SLFN12L: variants seen among roughly 807,000 people sequenced by gnomAD.
SLFN12L encodes schlafen family member 12-like.
In SLFN12L, 34 loss-of-function variants were observed where a neutral mutation model predicts 34.8. The observed-to-expected ratio is 0.98, with a 90% CI of 0.74 to 1.30. The LOEUF is 1.30. Ranked by LOEUF, SLFN12L falls within the 50% of genes most tolerant of loss-of-function variation. SLFN12L has a pLI of 0.00. For missense variants in SLFN12L, 703 were observed against 696.2 expected, an observed-to-expected ratio of 1.01 and a Z score of -0.11; for synonymous variants, 259 against 247.5, an observed-to-expected ratio of 1.05 and a Z score of -0.44.
At chr17:35,523,956 A>G (rs2072307458) in intron 1 of SLFN12L, among the ~76,000 whole-genome samples, 1 of 152,058 alleles carries the variant, frequency 6.6e-6, no homozygotes, top group Non-Finnish European at 1.5e-5. Flanking sequence ...AATTTCAAAG[A>G]TCATGGGGTC....
intron 1 of SLFN12L, among the ~76,000 whole-genome samples, chr17:35,530,574 T>G (rs1383970560): frequency 1.4e-5 from 2 of 143,418 alleles, no homozygotes; most frequent in Non-Finnish European, 3.1e-5. Flanking sequence ...GGGAGAGAAG[T>G]TAAACTTTTG....
intron 2 of SLFN12L, chr17:35,499,150 A>G (rs1235449810): frequency 1.1e-6 from 1 of 892,134 alleles, no homozygotes; most frequent in Admixed American, 1.9e-5. Context: ...TCCCGCATCC[A>G]TTTGGCTTGT....
At chr17:35,523,142 T>C (rs943492579) in intron 1 of SLFN12L, among the ~76,000 whole-genome samples, 173 bp from the exon 2 acceptor site, 16 of 152,268 alleles carry the variant, frequency 1.1e-4, no homozygotes, top group African/African-American at 3.4e-4. Context: ...AAATATCTGG[T>C]AAATCTCATC....
chr17:35,529,620 C>T (rs948847872), intron 1 of SLFN12L, among the ~76,000 whole-genome samples: 3 of 151,624 alleles, frequency 2.0e-5, no homozygotes, highest in Non-Finnish European at 2.9e-5. Flanking sequence ...CACATGTTCT[C>T]TCTCATAAGT....
At chr17:35,535,425 G>A (rs1209817892) in intron 1 of SLFN12L, among the ~76,000 whole-genome samples, 2 of 150,594 alleles carry the variant, frequency 1.3e-5, no homozygotes, top group Non-Finnish European at 3.0e-5. Flanking sequence ...TTGAACTCCC[G>A]ACCTCAGGTG....
intron 2 of SLFN12L, chr17:35,499,156 C>A: frequency 1.1e-6 from 1 of 910,602 alleles, no homozygotes; most frequent in South Asian, 1.3e-5. Context: ...ATCCATTTGG[C>A]TTGTGATATT....
intron 4 of SLFN12L, among the ~76,000 whole-genome samples, chr17:35,476,514 GA>G (rs1914028140): frequency 7.0e-6 from 1 of 143,574 alleles, no homozygotes; most frequent in Non-Finnish European, 1.5e-5. Context: ...AGGAAGGAAG[GA>G]AGGAAAGAAG....
chr17:35,481,613 C>G (rs1432862917), intron 2 of SLFN12L, among the ~76,000 whole-genome samples: 2 of 152,236 alleles, frequency 1.3e-5, no homozygotes, highest in Non-Finnish European at 2.9e-5. Context: ...CACTCCTTAC[C>G]CTGCCCCGTT....
In SLFN12L at chr17:35,468,711, C is replaced by T. The variant is rs1369127699; in HGVS notation, c.*6212G>A. Among the ~76,000 whole-genome samples, 1 of 152,168 alleles carries T rather than the reference C, an allele frequency of 6.6e-6. No individual in the cohort carries two copies. Among genetic ancestry groups the T allele is most frequent in the Admixed American group, 6.6e-5 (1 of 15,266 alleles). On this transcript the variant is annotated 3_prime_UTR_variant, in exon 5 of 5. Transcript: ENST00000628453. The stretch of plus-strand genomic sequence containing the variant: ...GAAAATTTAATAGTAGTTACCACTA[C>T]CTACGTCATTCTAAGAATTAATGGA...
intron 2 of SLFN12L, among the ~76,000 whole-genome samples, chr17:35,482,029 T>G (rs1289589693): frequency 2.0e-5 from 3 of 152,062 alleles, no homozygotes; most frequent in Non-Finnish European, 4.4e-5. Context: ...CTGCCTAATT[T>G]TTTTGTATTT....
At chr17:35,487,477 C>CCT (rs1283677989) in intron 2 of SLFN12L, among the ~76,000 whole-genome samples, 2 of 152,170 alleles carry the variant, frequency 1.3e-5, no homozygotes, top group East Asian at 3.9e-4. Context: ...GACCACCCCC[C>CCT]CCGGACCCCC....
chr17:35,522,378 A>T lies in SLFN12L; in HGVS notation c.-14T>A. On this transcript the variant is annotated 5_prime_UTR_variant, in exon 2 of 5. It removes an upstream start codon present in the reference 5' UTR. Coordinates refer to ENST00000628453, the MANE Select transcript of SLFN12L (RefSeq NM_001363830.2). ...GATCTTCTCCATGATCTTCATGGCC[A>T]TGATGGTCTTTCCTAAGCCAGGTAA... is the stretch of plus-strand genomic sequence containing the variant. The T allele has an allele frequency of 6.2e-7, 1 of 1,614,200 alleles. No homozygotes were observed. Among genetic ancestry groups the T allele is most frequent in the African/African-American group, 1.3e-5 (1 of 75,050 alleles).
At chr17:35,488,286 G>A (rs1344562311) in intron 2 of SLFN12L, among the ~76,000 whole-genome samples, 2 of 152,228 alleles carry the variant, frequency 1.3e-5, no homozygotes, top group East Asian at 1.9e-4. Context: ...CAGCCCTGCT[G>A]TCCCCTTGCT....
intron 4 of SLFN12L, among the ~76,000 whole-genome samples, chr17:35,476,016 C>T (rs983240328): frequency 1.3e-5 from 2 of 151,546 alleles, no homozygotes; most frequent in African/African-American, 4.8e-5. Flanking sequence ...ACTTAAAGGG[C>T]TACAATCTTT....
chr17:35,487,855 C>G (rs751038999), intron 2 of SLFN12L: 79 of 1,151,578 alleles, frequency 6.9e-5, no homozygotes, highest in Non-Finnish European at 8.9e-5. Context: ...CACTCGACTC[C>G]CCGGAAGTGG....
chr17:35,523,428 G>A (rs184698981), intron 1 of SLFN12L, among the ~76,000 whole-genome samples: 33 of 152,288 alleles, frequency 2.2e-4, no homozygotes, highest in Admixed American at 7.9e-4. Flanking sequence ...CAATATTTGC[G>A]GAGAAGAGGA....
rs1193915196 is a variant in SLFN12L at position 35,473,986 on chromosome 17, T to G, written c.*937A>C. Reference sequence around the variant, plus strand: ...CAAGCTGGAGTGCAGTGGTGTGGTCTTGGCTCACTGTAACCTCCACTTCCT... The same window carrying G: ...CAAGCTGGAGTGCAGTGGTGTGGTCGTGGCTCACTGTAACCTCCACTTCCT... On this transcript the variant is annotated 3_prime_UTR_variant, in exon 5 of 5. Transcript: ENST00000628453. 6.6e-6 allele frequency: 1 copy of G among 152,260 alleles called. No homozygotes were observed. The highest frequency in any genetic ancestry group is 2.4e-5 in the African/African-American group (1 of 41,442). 9.4% of individuals were successfully genotyped at this position (152,260 alleles called of 1,614,324 possible). A position where few individuals can be genotyped will look rare whatever the true frequency, so the allele number is the denominator to read the frequency against.
chr17:35,515,557 C>T (rs1280412862), intron 2 of SLFN12L, among the ~76,000 whole-genome samples: 2 of 151,936 alleles, frequency 1.3e-5, no homozygotes, highest in Non-Finnish European at 2.9e-5. Context: ...CCACCTGCGC[C>T]TCCCAGACTC....
Position 35,478,140 on chromosome 17 carries a change from G to A in SLFN12L, c.1211C>T (p.Ser404Phe), listed in dbSNP as rs756965693. ...ATATTCACGAAGAGGATAACTCTGGGAGACAGGTGATGATGTACTTGCTGG... is the reference window on the plus strand; with the variant it reads ...ATATTCACGAAGAGGATAACTCTGGAAGACAGGTGATGATGTACTTGCTGG... ...PSPASTSSPV[S>F]QSYPLREYIN... Residue 404 changes from serine (S) to phenylalanine (F), a missense_variant, in exon 4 of 5, where the codon TCC (serine) becomes TTC (phenylalanine). Ser to Phe is a radical substitution (Grantham distance 155). Coordinates refer to ENST00000628453, the MANE Select transcript of SLFN12L (RefSeq NM_001363830.2). 1.3e-6 allele frequency: 2 copies of A among 1,545,772 alleles called. No individual in the cohort carries two copies. The highest frequency in any genetic ancestry group is 3.9e-5 in the Admixed American group (2 of 50,932).
Sources: gnomAD v4.1 joint callset for allele counts (sites outside exome capture counted in the v4.1 genomes callset) on GRCh38, gnomAD v4.1.1 for gene constraint, MANE v1.5 for transcripts, NCBI Gene and HGNC (gene_info 2026-07-23, HGNC 2026-07-21) for gene names.